The following UBL3 variants were observed in gnomAD, a reference collection of about 807,000 sequenced individuals.
UBL3 encodes ubiquitin-like protein 3.
Under a neutral mutation model 18.4 loss-of-function variants are expected in UBL3, and 6 were observed. That is an observed-to-expected ratio of 0.33 (90% CI 0.18 to 0.64). The LOEUF is 0.64. Among genes scored for constraint, UBL3 ranks in the 30% least tolerant of loss-of-function variants. The pLI, the probability that UBL3 is intolerant of heterozygous loss-of-function variation, is 0.76. For missense variants in UBL3, 109 were observed against 142.9 expected, an observed-to-expected ratio of 0.76 and a Z score of 1.21; for synonymous variants, 49 against 46.6, an observed-to-expected ratio of 1.05 and a Z score of -0.21.
chr13:29,770,048 C>T (rs1191620556), intron 3 of UBL3, among the ~76,000 whole-genome samples: 1 of 151,998 alleles, frequency 6.6e-6, no homozygotes, highest in Non-Finnish European at 1.5e-5. Context: ...GAAGAGAAAA[C>T]TGTCTTTGAT....
In UBL3 at chr13:29,835,126, ATATATATATATATATATATATATAT is replaced by A. The variant is rs1878909452; in HGVS notation, c.27+14361_27+14385del. On this transcript the variant is annotated intron_variant, in intron 1 of 4. Coordinates refer to ENST00000380680, the MANE Select transcript of UBL3 (RefSeq NM_007106.4). ...TATATAAATATATATATATATATAA[ATATATATATATATATATATATATAT>A]ATATATATATATATATATATATATA... 7.6e-3 allele frequency among the ~76,000 whole-genome samples: 25 copies of A among 3,288 alleles called. 1 individual carries two copies. The South Asian group carries it at 0.16, about 21-fold the overall frequency. The allele number at this position is 3,288 out of a possible 152,430, so 2.2% of individuals were successfully genotyped here. A position where few individuals can be genotyped will look rare whatever the true frequency, so the allele number is the denominator to read the frequency against.
At chr13:29,780,367 A>AAAAAAAAAAAAAAT (rs1359464345) in intron 1 of UBL3, among the ~76,000 whole-genome samples, 92 of 103,286 alleles carry the variant, frequency 8.9e-4, no homozygotes, top group Non-Finnish European at 1.2e-3. Context: ...AAAAAAAAAA[A>AAAAAAAAAAAAAAT]ATATATATAT....
At chr13:29,828,321 A>G (rs991195592) in intron 1 of UBL3, among the ~76,000 whole-genome samples, 1 of 152,148 alleles carries the variant, frequency 6.6e-6, no homozygotes, top group Non-Finnish European at 1.5e-5. Flanking sequence ...TACACCAATC[A>G]GATGTAGATT....
intron 2 of UBL3, among the ~76,000 whole-genome samples, chr13:29,774,408 A>G (rs1356550048): frequency 2.0e-5 from 3 of 152,038 alleles, no homozygotes; most frequent in African/African-American, 7.2e-5. Flanking sequence ...GCTCCCCCCA[A>G]AAAAAATCTC....
chr13:29,844,891 A>T (rs564964227), intron 1 of UBL3, among the ~76,000 whole-genome samples: 1 of 152,264 alleles, frequency 6.6e-6, no homozygotes, highest in South Asian at 2.1e-4. Context: ...TAACAGAAGC[A>T]GACATTATAG....
intron 2 of UBL3, 30 bp from the exon 3 acceptor site, chr13:29,772,228 A>G (rs200741784): frequency 6.3e-5 from 97 of 1,549,102 alleles, no homozygotes; most frequent in Non-Finnish European, 8.1e-5. Context: ...CTGGTTAGGT[A>G]TATTCCAACA....
intron 1 of UBL3, among the ~76,000 whole-genome samples, chr13:29,826,359 T>C (rs1027212600): frequency 3.9e-5 from 6 of 152,188 alleles, no homozygotes; most frequent in Non-Finnish European, 8.8e-5. Flanking sequence ...CTATTAATCA[T>C]TGCCTGAATT....
intron 1 of UBL3, among the ~76,000 whole-genome samples, chr13:29,825,667 T>G (rs1421814838): frequency 6.6e-6 from 1 of 151,982 alleles, no homozygotes; most frequent in African/African-American, 2.4e-5. Context: ...ATTTAACTTC[T>G]TTTCCTAATT....
chr13:29,795,668 G>A (rs961505290), intron 1 of UBL3, among the ~76,000 whole-genome samples: 1 of 148,778 alleles, frequency 6.7e-6, no homozygotes, highest in Non-Finnish European at 1.5e-5. Context: ...GCCTGTAATC[G>A]CAGCTACTAG....
At chr13:29,815,289 G>A (rs553728033) in intron 1 of UBL3, among the ~76,000 whole-genome samples, 1 of 152,204 alleles carries the variant, frequency 6.6e-6, no homozygotes, top group East Asian at 1.9e-4. Context: ...AGATGAGTGG[G>A]AAATGGGTGT....
intron 1 of UBL3, among the ~76,000 whole-genome samples, chr13:29,808,132 C>T (rs961655520): frequency 6.6e-6 from 1 of 152,128 alleles, no homozygotes; most frequent in African/African-American, 2.4e-5. Context: ...GCTTTCATTA[C>T]AATCTATTCT....
At chr13:29,820,320 GC>G (rs1257193362) in intron 1 of UBL3, among the ~76,000 whole-genome samples, 1 of 152,000 alleles carries the variant, frequency 6.6e-6, no homozygotes. Flanking sequence ...GGGACAACAG[GC>G]ATGTGCCATC....
chr13:29,805,591 G>A (rs1240407632), intron 1 of UBL3, among the ~76,000 whole-genome samples: 1 of 152,032 alleles, frequency 6.6e-6, no homozygotes, highest in Non-Finnish European at 1.5e-5. Flanking sequence ...AACTTGGGGG[G>A]AAAATCACTC....
chr13:29,834,651 T>C (rs929021262), intron 1 of UBL3, among the ~76,000 whole-genome samples: 14 of 152,196 alleles, frequency 9.2e-5, no homozygotes, highest in Admixed American at 2.6e-4. Flanking sequence ...TAATTTAAAA[T>C]GTTAAAAATT....
intron 1 of UBL3, among the ~76,000 whole-genome samples, chr13:29,835,184 A>ATATCTC (rs1566001185): frequency 1.1e-5 from 1 of 89,596 alleles, no homozygotes; most frequent in Admixed American, 1.5e-4. Flanking sequence ...ATATATATAT[A>ATATCTC]TCTCCACCCT....
At chr13:29,847,888 T>C (rs1326405300) in intron 1 of UBL3, among the ~76,000 whole-genome samples, 4 of 152,106 alleles carry the variant, frequency 2.6e-5, no homozygotes, top group Non-Finnish European at 5.9e-5. Flanking sequence ...AGGAGGCTAT[T>C]TCATGTGTGC....
chr13:29,841,983 A>T lies in UBL3; in HGVS notation c.27+7529T>A, dbSNP rs1323502222. On this transcript the variant is annotated intron_variant, in intron 1 of 4. Coordinates refer to ENST00000380680, the MANE Select transcript of UBL3 (RefSeq NM_007106.4). The stretch of plus-strand genomic sequence containing the variant: ...ATGTTTTCTCACCAATGACTTTCCA[A>T]ATCCCCTTCATTTATCCTGTCTCCT... 2.0e-5 allele frequency among the ~76,000 whole-genome samples: 3 copies of T among 152,206 alleles called. No homozygotes were observed. In the East Asian group the frequency reaches 5.8e-4, roughly 29 times the overall value.
intron 1 of UBL3, among the ~76,000 whole-genome samples, chr13:29,833,792 T>C (rs1231368560): frequency 6.6e-6 from 1 of 152,218 alleles, no homozygotes; most frequent in African/African-American, 2.4e-5. Flanking sequence ...ACTATTTAAA[T>C]GTAAACTCTA....
At position 29,850,039 on chromosome 13, in the gene UBL3, G is replaced by C. The variant is rs1032656044; in HGVS notation, c.-501C>G. On this transcript the variant is annotated 5_prime_UTR_variant, in exon 1 of 5. Coordinates refer to ENST00000380680, the MANE Select transcript of UBL3 (RefSeq NM_007106.4). Reference sequence around the variant, plus strand: ...GACGCGTGAGCCTTGAGTGGCGGCCGAGCGGTGGCCGGACGCTGGCCGCGG... The same window carrying C: ...GACGCGTGAGCCTTGAGTGGCGGCCCAGCGGTGGCCGGACGCTGGCCGCGG... The C allele has an allele frequency of 6.5e-6, 1 of 154,060 alleles. No individual in the cohort carries two copies. The allele number at this position is 154,060 out of a possible 1,614,324, so 9.5% of individuals were successfully genotyped here. A position where few individuals can be genotyped will look rare whatever the true frequency, so the allele number is the denominator to read the frequency against.
Sources: gnomAD v4.1 joint callset for allele counts (sites outside exome capture counted in the v4.1 genomes callset) on GRCh38, gnomAD v4.1.1 for gene constraint, MANE v1.5 for transcripts, NCBI Gene and HGNC (gene_info 2026-07-23, HGNC 2026-07-21) for gene names.